Variants in TMEM217 observed in about 807,000 individuals in gnomAD.
TMEM217 encodes transmembrane protein 217.
For missense variants in TMEM217, 204 were observed against 248.8 expected (o/e 0.82, Z 1.21); for synonymous variants, 76 against 88.3 (o/e 0.86, Z 0.78).
downstream of TMEM217, among the ~76,000 whole-genome samples, chr6:37,213,151 G>A (rs578060765): frequency 1.2e-4 from 18 of 152,340 alleles, no homozygotes; most frequent in African/African-American, 4.3e-4. Flanking sequence ...GGTCTGGCCC[G>A]TGCTCTGGCC....
At chr6:37,229,478 G>A (rs1472008209) in intron 1 of TMEM217, among the ~76,000 whole-genome samples, 1 of 151,102 alleles carries the variant, frequency 6.6e-6, no homozygotes, top group African/African-American at 2.4e-5. Context: ...GAGTAGCTGG[G>A]ACTACAGGCG....
chr6:37,252,063 T>C (rs867938013), intron 1 of TMEM217, among the ~76,000 whole-genome samples: 13 of 152,160 alleles, frequency 8.5e-5, no homozygotes, highest in African/African-American at 2.7e-4. Context: ...CCAGCTAATT[T>C]TGTAATTTTA....
rs181914749 is a variant in TMEM217 at position 37,218,065 on chromosome 6, G to C, written c.*357C>G. ...TGCAGAACTGCTAAGCAAAAGTGGGGGGAAAAAAGGAAATAGAACTACCCT... is the reference window on the plus strand; with the variant it reads ...TGCAGAACTGCTAAGCAAAAGTGGGCGGAAAAAAGGAAATAGAACTACCCT... On this transcript the variant is annotated 3_prime_UTR_variant, in exon 2 of 2. Transcript: ENST00000357219. 1.2e-3 allele frequency: 1,203 copies of C among 1,004,732 alleles called. 8 individuals are homozygous for C. Among genetic ancestry groups the C allele is most frequent in the African/African-American group, 9.7e-3 (560 of 57,734 alleles). 62.2% of individuals were successfully genotyped at this position (1,004,732 alleles called of 1,614,324 possible). A position where few individuals can be genotyped will look rare whatever the true frequency, so the allele number is the denominator to read the frequency against.
intron 1 of TMEM217, among the ~76,000 whole-genome samples, chr6:37,244,926 G>C (rs1376125793): frequency 6.6e-6 from 1 of 152,154 alleles, no homozygotes; most frequent in Non-Finnish European, 1.5e-5. Flanking sequence ...GCCTCAGCTG[G>C]GATAACTTAG....
intron 1 of TMEM217, among the ~76,000 whole-genome samples, chr6:37,248,675 G>T (rs1345354677): frequency 2.6e-5 from 4 of 152,158 alleles, no homozygotes; most frequent in African/African-American, 9.7e-5. Context: ...GTCTCTTTAA[G>T]AATATCTCTA....
chr6:37,229,008 A>G (rs1764018457), intron 1 of TMEM217, among the ~76,000 whole-genome samples: 1 of 151,902 alleles, frequency 6.6e-6, no homozygotes, highest in Non-Finnish European at 1.5e-5. Context: ...AAAAAAAAAC[A>G]AAAAACAAAA....
chr6:37,215,105 C>G (rs1716077391), downstream of TMEM217: 1 of 1,527,448 alleles, frequency 6.5e-7, no homozygotes, highest in Non-Finnish European at 8.9e-7. Flanking sequence ...CCACCCTCGG[C>G]ACCTCTCTCT....
chr6:37,238,600 T>G (rs1310644240), intron 1 of TMEM217, among the ~76,000 whole-genome samples: 1 of 152,188 alleles, frequency 6.6e-6, no homozygotes, highest in Non-Finnish European at 1.5e-5. Context: ...CTTTTGCCTT[T>G]CCTGGTAAGA....
chr6:37,212,186 T>G, exon 4 of TMEM217: 2 of 292,914 alleles, frequency 6.8e-6, no homozygotes, highest in East Asian at 9.9e-5. Context: ...AGTGAGATGG[T>G]TAAGTAAGCA....
At chr6:37,229,932 T>C (rs1764101834) in intron 1 of TMEM217, among the ~76,000 whole-genome samples, 1 of 152,224 alleles carries the variant, frequency 6.6e-6, no homozygotes, top group Non-Finnish European at 1.5e-5. Flanking sequence ...AATGGAGGTA[T>C]CCTGGGCTAG....
chr6:37,229,346 T>G (rs868018930), intron 1 of TMEM217, among the ~76,000 whole-genome samples: 2 of 128,202 alleles, frequency 1.6e-5, no homozygotes, highest in South Asian at 2.8e-4. Context: ...TTTTTTTTTT[T>G]TTTTTTTTTT....
At chr6:37,222,513 GC>G (rs1191942076) in intron 1 of TMEM217, among the ~76,000 whole-genome samples, 2 of 152,170 alleles carry the variant, frequency 1.3e-5, no homozygotes, top group East Asian at 1.9e-4. Context: ...GTCCCGCCCC[GC>G]TAACTCGAAA....
exon 1 of TMEM217, chr6:37,257,830 C>T (rs1264423609): frequency 1.0e-5 from 15 of 1,473,356 alleles, no homozygotes; most frequent in Non-Finnish European, 1.4e-5. Flanking sequence ...GGGAAGCGGC[C>T]TGGGTTGGCC....
At chr6:37,225,294 G>T (rs1334050512) in intron 1 of TMEM217, among the ~76,000 whole-genome samples, 1 of 152,120 alleles carries the variant, frequency 6.6e-6, no homozygotes, top group Non-Finnish European at 1.5e-5. Context: ...AGGGATAGGG[G>T]CAGGGGCACA....
intron 1 of TMEM217, among the ~76,000 whole-genome samples, chr6:37,246,565 C>T (rs914377366): frequency 2.8e-4 from 43 of 152,144 alleles, no homozygotes; most frequent in African/African-American, 9.9e-4. Flanking sequence ...TGGCTTCTGA[C>T]CCTGCTGTGC....
chr6:37,255,311 G>C (rs1765655678), intron 1 of TMEM217, among the ~76,000 whole-genome samples: 1 of 152,138 alleles, frequency 6.6e-6, no homozygotes, highest in South Asian at 2.1e-4. Context: ...AAGGAGCTTG[G>C]ATTTTATGCC....
chr6:37,253,518 T>C (rs981396845), intron 1 of TMEM217, among the ~76,000 whole-genome samples: 3 of 152,212 alleles, frequency 2.0e-5, no homozygotes, highest in Admixed American at 6.5e-5. Flanking sequence ...ATCTCTGCCA[T>C]TGGCTCTAAC....
intron 1 of TMEM217, among the ~76,000 whole-genome samples, chr6:37,220,949 AAT>A (rs1763477045): frequency 6.6e-6 from 1 of 152,050 alleles, no homozygotes; most frequent in African/African-American, 2.4e-5. Flanking sequence ...AGATATATAT[AAT>A]ATATATACAA....
intron 1 of TMEM217, among the ~76,000 whole-genome samples, chr6:37,223,604 G>A (rs961489766): frequency 2.0e-5 from 3 of 152,158 alleles, no homozygotes; most frequent in African/African-American, 7.2e-5. Context: ...TGCCTCCCGG[G>A]TTCAAGCAAT....
Sources: gnomAD v4.1 joint callset for allele counts (sites outside exome capture counted in the v4.1 genomes callset) on GRCh38, gnomAD v4.1.1 for gene constraint, MANE v1.5 for transcripts, NCBI Gene and HGNC (gene_info 2026-07-23, HGNC 2026-07-21) for gene names.